LPGAT1: variants seen among roughly 807,000 people sequenced by gnomAD.
LPGAT1 encodes the protein acyl-CoA:lysophosphatidylglycerol acyltransferase 1.
In LPGAT1, 11 loss-of-function variants were observed where a neutral mutation model predicts 47.5. That is an observed-to-expected ratio of 0.23 (90% CI 0.15 to 0.38). The LOEUF (loss-of-function observed/expected upper bound fraction) is 0.38. Ranked by LOEUF, LPGAT1 falls within the 10% of genes least tolerant of loss-of-function variation. The pLI is 1.00. For synonymous variants in LPGAT1, 138 were observed against 144.2 expected, an observed-to-expected ratio of 0.96 and a Z score of 0.31; for missense variants, 293 against 439.0, an observed-to-expected ratio of 0.67 and a Z score of 2.97.
At chr1:211,820,925 T>C (rs1405765612) in intron 2 of LPGAT1, among the ~76,000 whole-genome samples, 1 of 152,162 alleles carries the variant, frequency 6.6e-6, no homozygotes, top group African/African-American at 2.4e-5. Flanking sequence ...ATATGAGAGA[T>C]AAAGGGAGAA....
In LPGAT1 at chr1:211,752,484, G is replaced by A. The variant is rs545515574; in HGVS notation, c.855-1417C>T. On this transcript the variant is annotated intron_variant, in intron 6 of 7. Transcript: ENST00000366997. Reference sequence around the variant, plus strand: ...TCCTCATTGTTCTTGTTCTGTAAATGACTAGGAGACACCAGAGACCAGACC... The same window carrying A: ...TCCTCATTGTTCTTGTTCTGTAAATAACTAGGAGACACCAGAGACCAGACC... Among the ~76,000 whole-genome samples the A allele has an allele frequency of 3.3e-5, 5 of 152,242 alleles. No homozygotes were observed. In the South Asian group the frequency reaches 1.0e-3, roughly 32 times the overall value.
intron 6 of LPGAT1, among the ~76,000 whole-genome samples, chr1:211,753,458 TA>T (rs1252078828): frequency 2.6e-5 from 4 of 152,250 alleles, no homozygotes; most frequent in Middle Eastern, 3.4e-3. Flanking sequence ...TATTGTATTT[TA>T]TTTTTTTGCT....
intron 2 of LPGAT1, among the ~76,000 whole-genome samples, chr1:211,808,523 C>T (rs1558279297): frequency 1.3e-5 from 2 of 152,080 alleles, no homozygotes; most frequent in African/African-American, 2.4e-5. Context: ...AAAAACATGA[C>T]AAGCTACCTT....
chr1:211,751,049 A>C lies in LPGAT1; in HGVS notation c.873T>G (p.Asp291Glu). 6.2e-7 allele frequency: 1 copy of C among 1,612,272 alleles called. No homozygotes were observed. The change falls in exon 7 of 8, where the codon GAT becomes GAG. Residue 291 changes from aspartate (D) to glutamate (E), a missense_variant. Coordinates refer to ENST00000366997, the MANE Select transcript of LPGAT1 (RefSeq NM_014873.3). ...HVHYRIFPIK[D>E]VPLETDDLTT... The stretch of plus-strand genomic sequence containing the variant: ...TAAGGTCATCAGTCTCCAGGGGTAC[A>C]TCTTTAATTGGAAAGATCCTATTAA...
intron 5 of LPGAT1, 44 bp downstream of exon 5, chr1:211,783,185 T>C (rs1277912013): frequency 1.3e-6 from 2 of 1,504,530 alleles, no homozygotes; most frequent in Non-Finnish European, 1.8e-6. Flanking sequence ...CTCCAGAAAA[T>C]CCTTTAACTC....
intron 3 of LPGAT1, among the ~76,000 whole-genome samples, chr1:211,789,738 C>T (rs1659028797): frequency 6.6e-6 from 1 of 151,990 alleles, no homozygotes; most frequent in African/African-American, 2.4e-5. Context: ...GGTGTGGTGG[C>T]GGACACCTGT....
At chr1:211,818,946 A>T (rs953568297) in intron 2 of LPGAT1, among the ~76,000 whole-genome samples, 4 of 152,222 alleles carry the variant, frequency 2.6e-5, no homozygotes, top group African/African-American at 9.6e-5. Context: ...TATGCTTTTC[A>T]ACAGACCTCA....
intron 2 of LPGAT1, among the ~76,000 whole-genome samples, chr1:211,825,528 A>G (rs1436616871): frequency 5.3e-5 from 8 of 152,194 alleles, no homozygotes; most frequent in Admixed American, 2.0e-4. Context: ...GATTTATCCT[A>G]GATCCAAATA....
chr1:211,830,355 C>G lies in LPGAT1; in HGVS notation c.-28+218G>C. 8.7e-7 allele frequency: 1 copy of G among 1,151,828 alleles called. No homozygotes were observed. Among genetic ancestry groups the G allele is most frequent in the Non-Finnish European group, 1.1e-6 (1 of 936,762 alleles). The allele number at this position is 1,151,828 out of a possible 1,614,324, so 71.4% of individuals were successfully genotyped here. A position where few individuals can be genotyped will look rare whatever the true frequency, so the allele number is the denominator to read the frequency against. On this transcript the variant is annotated intron_variant, in intron 1 of 7. Coordinates refer to ENST00000366997, the MANE Select transcript of LPGAT1 (RefSeq NM_014873.3). This position sits in a 1 kb window ranked among gnomAD's most constrained non-coding sequence, Gnocchi z 5.9. ...CCTGCGGACAGAGGGACGGCGGGGA[C>G]TCAGAGGCCGGACCTGTCACCCGGG...
At chr1:211,808,579 C>G (rs1659849538) in intron 2 of LPGAT1, among the ~76,000 whole-genome samples, 1 of 151,970 alleles carries the variant, frequency 6.6e-6, no homozygotes, top group Non-Finnish European at 1.5e-5. Context: ...TTGGCAATAC[C>G]AAGAGCTAGT....
intron 2 of LPGAT1, among the ~76,000 whole-genome samples, chr1:211,796,291 G>T (rs1017590616): frequency 1.3e-5 from 2 of 152,124 alleles, no homozygotes; most frequent in African/African-American, 4.8e-5. Context: ...ATCAAGATGA[G>T]GTCATACTGG....
chr1:211,794,194 A>G (rs189371954), intron 2 of LPGAT1, among the ~76,000 whole-genome samples: 1 of 152,336 alleles, frequency 6.6e-6, no homozygotes, highest in Admixed American at 6.5e-5. Flanking sequence ...CAAATGCCAA[A>G]TTATTTGAAG....
intron 6 of LPGAT1, among the ~76,000 whole-genome samples, chr1:211,771,447 A>G (rs1658166195): frequency 6.7e-6 from 1 of 149,486 alleles, no homozygotes; most frequent in Non-Finnish European, 1.5e-5. Context: ...TCTCTTGAAC[A>G]CTCTAGTTTT....
intron 6 of LPGAT1, among the ~76,000 whole-genome samples, chr1:211,766,408 C>G (rs1312364530): frequency 6.6e-6 from 1 of 152,108 alleles, no homozygotes; most frequent in East Asian, 1.9e-4. Context: ...TGTGATAAAC[C>G]CATTGTAAGT....
chr1:211,773,440 G>A (rs1315234992), intron 6 of LPGAT1, among the ~76,000 whole-genome samples: 2 of 152,060 alleles, frequency 1.3e-5, no homozygotes, highest in Non-Finnish European at 2.9e-5. Context: ...GTTCATACTT[G>A]AATGCCTTCT....
chr1:211,809,174 C>T (rs553116620), intron 2 of LPGAT1, among the ~76,000 whole-genome samples: 36 of 151,952 alleles, frequency 2.4e-4, no homozygotes, highest in Non-Finnish European at 3.5e-4. Flanking sequence ...CACTGCACTC[C>T]AGCCTGGGCG....
At chr1:211,756,877 T>G (rs370165860) in intron 6 of LPGAT1, among the ~76,000 whole-genome samples, 1 of 148,854 alleles carries the variant, frequency 6.7e-6, no homozygotes, top group East Asian at 1.9e-4. Flanking sequence ...TTTTCTCTCT[T>G]TTTTTTTTTT....
intron 6 of LPGAT1, among the ~76,000 whole-genome samples, chr1:211,754,843 G>A (rs142098177): frequency 0.022 from 3,351 of 151,940 alleles, 64 homozygotes; most frequent in Non-Finnish European, 0.03. Context: ...GTGAAACCCC[G>A]TCTCTACTAA....
chr1:211,830,647 CGGCGGAAGAA>C lies in LPGAT1; in HGVS notation c.-112_-103del, dbSNP rs1337555500. On this transcript the variant is annotated 5_prime_UTR_variant, in exon 1 of 8. Transcript: ENST00000366997. The surrounding 1 kb of genome is among the most constrained non-coding windows in gnomAD (Gnocchi z 5.9). ...AAGAATGCATGGCCGGCGGCGGGGC[CGGCGGAAGAA>C]GGCGGTGGCGGGGCCCTGCCCCGCT... 1 of 1,202,536 alleles carries C rather than the reference CGGCGGAAGAA, an allele frequency of 8.3e-7. No homozygotes were observed. Among genetic ancestry groups the C allele is most frequent in the Non-Finnish European group, 1.0e-6 (1 of 969,098 alleles). 74.5% of individuals were successfully genotyped at this position (1,202,536 alleles called of 1,614,324 possible). A position where few individuals can be genotyped will look rare whatever the true frequency, so the allele number is the denominator to read the frequency against.
Sources: allele counts gnomAD v4.1 joint callset (sites outside exome capture counted in the v4.1 genomes callset), GRCh38; gene constraint gnomAD v4.1.1; non-coding constraint Gnocchi (gnomAD v3.1); transcripts MANE v1.5; gene names NCBI Gene and HGNC (gene_info 2026-07-23, HGNC 2026-07-21).